The following NLRP6 variants were observed in gnomAD, a reference collection of about 807,000 sequenced individuals.
The protein encoded by NLRP6 is NACHT, LRR and PYD domains-containing protein 6.
Under a neutral mutation model 70.9 loss-of-function variants are expected in NLRP6, and 55 were observed. The observed-to-expected ratio is 0.78, with a 90% confidence interval of 0.62 to 0.97. The LOEUF is 0.97. Among genes scored for constraint, NLRP6 ranks in the 50% least tolerant of loss-of-function variants. The pLI is 0.00. For synonymous variants in NLRP6, 652 were observed against 581.9 expected (o/e 1.12, Z -1.73); for missense variants, 1,241 against 1,238.3 (o/e 1.00, Z -0.03).
chr11:282,569 G>A, intron 4 of NLRP6, 136 bp from the exon 5 acceptor site: 2 of 712,028 alleles, frequency 2.8e-6, no homozygotes, highest in South Asian at 1.5e-5. Context: ...TTGGGGGAGT[G>A]TGAAGGGGGT....
rs1371412293 is a variant in NLRP6, at chr11:279,310, C to T, written c.30-17C>T. 10 of 1,265,988 alleles carry T rather than the reference C, an allele frequency of 7.9e-6. No homozygotes were observed. Among genetic ancestry groups the T allele is most frequent in the South Asian group, 2.8e-5 (1 of 36,048 alleles). 78.4% of individuals were successfully genotyped at this position (1,265,988 alleles called of 1,614,324 possible). ...CCGAGGGCCGCTCCCCGATGACCCG[C>T]GCCCGCCCGCCTCCAGCACGGGGCC... On this transcript the variant is annotated splice_polypyrimidine_tract_variant and intron_variant, in intron 1 of 7. Transcript: ENST00000534750.
Position 281,641 on chromosome 11 carries a change from A to C in NLRP6, c.1907A>C (p.Gln636Pro). 6.2e-7 allele frequency: 1 copy of C among 1,613,300 alleles called. No individual in the cohort carries two copies. ...ACGCAGGAGGACGCGTTTGTGCGCC[A>C]AGCCCTGTGCCGGTTCCCGGAGCTG... ...YETQEDAFVR[Q>P]ALCRFPELAL... Residue 636 changes from glutamine (Q) to proline (P), a missense_variant, in exon 4 of 8, where the codon CAA becomes CCA. By Grantham distance (76) the Gln-to-Pro change is moderately conservative. Coordinates refer to ENST00000534750, the MANE Select transcript of NLRP6 (RefSeq NM_001276700.2).
Position 281,303 on chromosome 11 carries a change from T to G in NLRP6, c.1569T>G (p.Ala523=). The G allele has an allele frequency of 1.2e-6, 2 of 1,609,000 alleles. No individual in the cohort carries two copies. The highest frequency in any genetic ancestry group is 2.2e-5 in the South Asian group (2 of 90,852). ...LEDGGVPRTA[A]GGVGTLLRGD... ...ACGGCGGGGTGCCCAGGACCGCGGC[T>G]GGCGGCGTTGGGACACTCCTGCGTG... Residue 523 remains alanine (A), a synonymous_variant, in exon 4 of 8, where the codon GCT becomes GCG. Coordinates refer to ENST00000534750, the MANE Select transcript of NLRP6 (RefSeq NM_001276700.2).
At chr11:283,609 G>A (rs112999662) in intron 5 of NLRP6, among the ~76,000 whole-genome samples, 17 of 152,146 alleles carry the variant, frequency 1.1e-4, no homozygotes, top group African/African-American at 2.2e-4. Flanking sequence ...CACCGCGCCC[G>A]GCCACATGTA....
In NLRP6 at chr11:280,561, T is replaced by A; in HGVS notation, c.827T>A (p.Phe276Tyr). The A allele has an allele frequency of 6.6e-7, 1 of 1,515,844 alleles. No homozygotes were observed. The highest frequency in any genetic ancestry group is 2.1e-5 in the Admixed American group (1 of 47,608). The allele number at this position is 1,515,844 out of a possible 1,614,324, so 93.9% of individuals were successfully genotyped here. The part of the protein sequence containing the change: ...QMLAQPQRLL[F>Y]ILDGADELPA... ...CTGGCCCAGCCGCAGCGGCTGCTCT[T>A]CATCCTGGACGGCGCGGACGAGCTG... The change falls in exon 4 of 8, where the codon TTC becomes TAC. Residue 276 changes from phenylalanine (F) to tyrosine (Y), a missense_variant. Coordinates refer to ENST00000534750, the MANE Select transcript of NLRP6 (RefSeq NM_001276700.2).
chr11:282,853 T>C (rs962496990), intron 5 of NLRP6, 56 bp downstream of exon 5: 1 of 1,282,008 alleles, frequency 7.8e-7, no homozygotes, highest in Admixed American at 1.7e-5. Flanking sequence ...CAGGATGCCC[T>C]GGGCAGAGAC....
rs1845454258 is a variant in NLRP6, at chr11:280,469, C to T, written c.735C>T (p.Gly245=). 2 of 1,591,880 alleles carry T rather than the reference C, an allele frequency of 1.3e-6. No homozygotes were observed. Among genetic ancestry groups the T allele is most frequent in the Non-Finnish European group, 1.7e-6 (2 of 1,177,584 alleles). ...MPCGELLERP[G]TRSLADLILD... The stretch of plus-strand genomic sequence containing the variant: ...GCGGCGAGCTGCTGGAGAGGCCGGG[C>T]ACGCGCAGCCTGGCTGACCTGATCC... The change falls in exon 4 of 8, where the codon GGC becomes GGT. Residue 245 remains glycine (G), a synonymous_variant. Transcript: ENST00000534750.
Position 280,790 on chromosome 11 carries a change from G to C in NLRP6, c.1056G>C (p.Lys352Asn), listed in dbSNP as rs781409335. 1.2e-6 allele frequency: 2 copies of C among 1,612,620 alleles called. No individual in the cohort carries two copies. Among genetic ancestry groups the C allele is most frequent in the South Asian group, 1.1e-5 (1 of 91,072 alleles). ...CCGAGGTGCGCGGCTTCTCCGACAA[G>C]GACAAGAAGAAGTATTTCTACAAGT... ...QCAEVRGFSD[K>N]DKKKYFYKYF... The change falls in exon 4 of 8, where the codon AAG (lysine) becomes AAC (asparagine). Residue 352 changes from lysine to asparagine, a missense_variant. Coordinates refer to ENST00000534750, the MANE Select transcript of NLRP6 (RefSeq NM_001276700.2).
chr11:282,921 G>T (rs1210630839), intron 5 of NLRP6, 124 bp downstream of exon 5: 2 of 742,980 alleles, frequency 2.7e-6, no homozygotes, highest in East Asian at 2.6e-5. Context: ...AGGCCTGTGG[G>T]TGCTGGAGAT....
In NLRP6 at chr11:280,824, G is replaced by A; in HGVS notation, c.1090G>A (p.Asp364Asn). The A allele has an allele frequency of 6.2e-7, 1 of 1,613,118 alleles. No homozygotes were observed. Among genetic ancestry groups the A allele is most frequent in the Non-Finnish European group, 8.5e-7 (1 of 1,179,904 alleles). The change falls in exon 4 of 8, where the codon GAT becomes AAT. Residue 364 changes from aspartate to asparagine, a missense_variant. Physicochemically the swap from Asp to Asn is conservative, Grantham distance 23. Transcript: ENST00000534750. ...GAAGTATTTCTACAAGTATTTCCGG[G>A]ATGAGAGGAGGGCCGAGCGCGCCTA... ...KKKYFYKYFRDERRAERAYRF... is the reference protein window; with the variant it reads ...KKKYFYKYFRNERRAERAYRF...
chr11:279,456 G>T lies in NLRP6; in HGVS notation c.159G>T (p.Trp53Cys). The part of the protein sequence containing the change: ...DVGPDGRSIP[W>C]GRLERADAVD... ...GCCCGGACGGACGCAGCATCCCGTG[G>T]GGGCGGCTGGAGCGCGCGGACGCCG... Residue 53 changes from tryptophan (W) to cysteine (C), a missense_variant, in exon 2 of 8, where the codon TGG becomes TGT. Trp to Cys is a radical substitution (Grantham distance 215). Coordinates refer to ENST00000534750, the MANE Select transcript of NLRP6 (RefSeq NM_001276700.2). 1.4e-6 allele frequency: 2 copies of T among 1,406,982 alleles called. No homozygotes were observed. The highest frequency in any genetic ancestry group is 9.2e-7 in the Non-Finnish European group (1 of 1,082,788). The allele number at this position is 1,406,982 out of a possible 1,614,324, so 87.2% of individuals were successfully genotyped here.
chr11:279,498 G>T lies in NLRP6; in HGVS notation c.201G>T (p.Gln67His). The change falls in exon 2 of 8, where the codon CAG (glutamine) becomes CAT (histidine). Residue 67 changes from glutamine to histidine, a missense_variant. By Grantham distance (24) the Gln-to-His change is conservative. Coordinates refer to ENST00000534750, the MANE Select transcript of NLRP6 (RefSeq NM_001276700.2). ...CGGACGCCGTGGACCTCGCGGAGCA[G>T]CTGGCCCAGTTCTACGGCCCGGAGC... Reference protein sequence around the residue: ...ERADAVDLAEQLAQFYGPEPA... With the variant: ...ERADAVDLAEHLAQFYGPEPA... 1 of 1,455,030 alleles carries T rather than the reference G, an allele frequency of 6.9e-7. No individual in the cohort carries two copies. 90.1% of individuals were successfully genotyped at this position (1,455,030 alleles called of 1,614,324 possible).
chr11:284,387 G>A lies in NLRP6; in HGVS notation c.2356G>A (p.Val786Met), dbSNP rs748639452. 4.4e-6 allele frequency: 7 copies of A among 1,599,486 alleles called. No individual in the cohort carries two copies. In the East Asian group the frequency reaches 1.3e-4, roughly 31 times the overall value. Residue 786 changes from valine (V) to methionine (M), a missense_variant, in exon 6 of 8, where the codon GTG (valine) becomes ATG (methionine). Transcript: ENST00000534750. ...SEGLAWPQCR[V>M]QTVRVQLPDP... ...GGGCCTAGCCTGGCCGCAGTGCAGGGTGCAGACGGTCAGGTGAGGCCTGGC... is the reference window on the plus strand; with the variant it reads ...GGGCCTAGCCTGGCCGCAGTGCAGGATGCAGACGGTCAGGTGAGGCCTGGC...
intron 3 of NLRP6, 79 bp downstream of exon 3, chr11:279,951 G>A: frequency 3.5e-6 from 5 of 1,426,880 alleles, no homozygotes; most frequent in South Asian, 1.5e-5. Context: ...TGGGAGGGCC[G>A]CCAGGGGCGT....
chr11:280,845 G>A lies in NLRP6; in HGVS notation c.1111G>A (p.Ala371Thr). 6.2e-7 allele frequency: 1 copy of A among 1,613,310 alleles called. No individual in the cohort carries two copies. Among genetic ancestry groups the A allele is most frequent in the Non-Finnish European group, 8.5e-7 (1 of 1,179,972 alleles). Residue 371 changes from alanine to threonine, a missense_variant, in exon 4 of 8, where the codon GCC becomes ACC. By Grantham distance (58) the Ala-to-Thr change is moderately conservative. Coordinates refer to ENST00000534750, the MANE Select transcript of NLRP6 (RefSeq NM_001276700.2). ...YFRDERRAERAYRFVKENETL... is the reference protein window; with the variant it reads ...YFRDERRAERTYRFVKENETL... ...CCGGGATGAGAGGAGGGCCGAGCGC[G>A]CCTACCGCTTCGTGAAGGAGAACGA...
intron 4 of NLRP6, 50 bp from the exon 5 acceptor site, chr11:282,655 A>C: frequency 6.4e-6 from 9 of 1,409,570 alleles, no homozygotes; most frequent in Non-Finnish European, 9.1e-6. Context: ...CCTTTCCGGC[A>C]GGCACTGTGA....
At position 278,633 on chromosome 11, in the gene NLRP6, G is replaced by A. The variant is rs772383062; in HGVS notation, c.29+35G>A. The A allele has an allele frequency of 1.7e-5, 26 of 1,560,846 alleles. No individual in the cohort carries two copies. The highest frequency in any genetic ancestry group is 1.3e-4 in the South Asian group (11 of 85,002). On this transcript the variant is annotated intron_variant, in intron 1 of 7. Coordinates refer to ENST00000534750, the MANE Select transcript of NLRP6 (RefSeq NM_001276700.2). This position sits in a 1 kb window ranked among gnomAD's most constrained non-coding sequence, Gnocchi z 4.7. ...GGCCCCAGGGTGGTCACTGGGAACC[G>A]GCTGGTCTCAGCCCTCTGGGGCCTC...
Position 280,340 on chromosome 11 carries a change from C to T in NLRP6, c.606C>T (p.Gly202=), listed in dbSNP as rs767890903. ...GGCCGCTGACCGTGGTGCTGCAGGG[C>T]CCGGCGGGCATCGGCAAGACCATGG... is the stretch of plus-strand genomic sequence containing the variant. ...GRRPLTVVLQ[G]PAGIGKTMAA... The change falls in exon 4 of 8, where the codon GGC becomes GGT. Residue 202 remains glycine (G), a synonymous_variant. Coordinates refer to ENST00000534750, the MANE Select transcript of NLRP6 (RefSeq NM_001276700.2). 2 of 1,520,178 alleles carry T rather than the reference C, an allele frequency of 1.3e-6. No individual in the cohort carries two copies. Among genetic ancestry groups the T allele is most frequent in the Non-Finnish European group, 1.8e-6 (2 of 1,135,862 alleles). The allele number at this position is 1,520,178 out of a possible 1,614,324, so 94.2% of individuals were successfully genotyped here. A position where few individuals can be genotyped will look rare whatever the true frequency, so the allele number is the denominator to read the frequency against.
At position 278,585 on chromosome 11, in the gene NLRP6, G is replaced by A; in HGVS notation, c.16G>A (p.Ala6Thr). 6.3e-7 allele frequency: 1 copy of A among 1,590,348 alleles called. No homozygotes were observed. MDQPEAPCSSTGPRLA... is the reference protein window; with the variant it reads MDQPETPCSSTGPRLA... ...AAGAGACCCCATGGACCAGCCAGAG[G>A]CCCCCTGCTCCAGGTGAGTGCTGGC... is the stretch of plus-strand genomic sequence containing the variant. The change falls in exon 1 of 8, where the codon GCC becomes ACC. Residue 6 changes from alanine to threonine, a missense_variant. Coordinates refer to ENST00000534750, the MANE Select transcript of NLRP6 (RefSeq NM_001276700.2). This position sits in a 1 kb window ranked among gnomAD's most constrained non-coding sequence, Gnocchi z 4.7.
Sources: allele counts gnomAD v4.1 joint callset (sites outside exome capture counted in the v4.1 genomes callset), GRCh38; gene constraint gnomAD v4.1.1; non-coding constraint Gnocchi (gnomAD v3.1); transcripts MANE v1.5; gene names NCBI Gene and HGNC (gene_info 2026-07-23, HGNC 2026-07-21).